The following KIF21B variants were observed in gnomAD, a reference collection of about 807,000 sequenced individuals.
KIF21B encodes the protein kinesin family member 21B.
In KIF21B, 85 loss-of-function variants were observed where a neutral mutation model predicts 192.9. The ratio of observed to expected loss-of-function variants is 0.44; its 90% CI spans 0.37 to 0.53. The LOEUF (loss-of-function observed/expected upper bound fraction) is 0.53, where lower values mean the gene tolerates loss of function less well. Ranked by LOEUF, KIF21B falls within the 20% of genes least tolerant of loss-of-function variation. The pLI is 0.00. For synonymous variants in KIF21B, 832 were observed against 884.6 expected (o/e 0.94, Z 1.05); for missense variants, 1,716 against 2,194.8 (o/e 0.78, Z 4.36).
rs572746581 is a variant in KIF21B at position 200,990,697 on chromosome 1, C to A, written c.2714G>T (p.Ser905Ile). Residue 905 changes from serine (S) to isoleucine (I), a missense_variant, in exon 19 of 35, where the codon AGC becomes ATC. Physicochemically the swap from Ser to Ile is moderately radical, Grantham distance 142. Transcript: ENST00000461742. This position sits in a 1 kb window ranked among gnomAD's most constrained non-coding sequence, Gnocchi z 5.4. The part of the protein sequence containing the change: ...ARKKFQKKGA[S>I]QSFSKAARLK... Reference sequence around the variant, plus strand: ...CCTTGCCGCCTTACTGAAGCTCTGGCTGGCCCCCTTCTTCTGGAACTTCTT... The same window carrying A: ...CCTTGCCGCCTTACTGAAGCTCTGGATGGCCCCCTTCTTCTGGAACTTCTT... The A allele has an allele frequency of 3.4e-4, 554 of 1,614,186 alleles. 5 individuals are homozygous for A. The South Asian group carries it at 5.9e-3, about 17-fold the overall frequency.
chr1:201,008,916 G>A lies in KIF21B; in HGVS notation c.300C>T (p.Gly100=). The A allele has an allele frequency of 6.2e-7, 1 of 1,611,746 alleles. No homozygotes were observed. Among genetic ancestry groups the A allele is most frequent in the Non-Finnish European group, 8.5e-7 (1 of 1,179,986 alleles). Residue 100 remains glycine (G), a synonymous_variant, in exon 3 of 35, where the codon GGC becomes GGT. Coordinates refer to ENST00000461742, the MANE Select transcript of KIF21B (RefSeq NM_001252102.2). ...GAGKTYTMGT[G]FDMATSEEEQ... is the part of the protein sequence containing the mutation. ...CCTCCTCCGACGTTGCCATGTCAAA[G>A]CCAGTGCCCATGGTGTACGTCTTCC... is the stretch of plus-strand genomic sequence containing the variant.
rs747424775 is a variant in KIF21B at position 201,006,516 on chromosome 1, C to T, written c.448-822G>A. On this transcript the variant is annotated intron_variant, in intron 3 of 34. Coordinates refer to ENST00000461742, the MANE Select transcript of KIF21B (RefSeq NM_001252102.2). Reference sequence around the variant, plus strand: ...TCTGACATCTGGGGCTTTGACAGCCCTAAAGGGACAGAAATACCCCACATG... The same window carrying T: ...TCTGACATCTGGGGCTTTGACAGCCTTAAAGGGACAGAAATACCCCACATG... 2.0e-5 allele frequency among the ~76,000 whole-genome samples: 3 copies of T among 152,032 alleles called. No homozygotes were observed. The South Asian group carries it at 6.2e-4, about 32-fold the overall frequency.
At position 201,009,422 on chromosome 1, in the gene KIF21B, T is replaced by TC; in HGVS notation, c.107dup (p.Glu37ArgfsTer15). On this transcript the variant is annotated frameshift_variant, in exon 2 of 35. Transcript: ENST00000461742. LOFTEE classifies it high-confidence loss of function. Reference sequence around the variant, plus strand: ...CCTTCCCCAGCAGGACCTGGGGCTCTCCCGGGGTAACAGAGGTACAGATGT... The same window carrying TC: ...CCTTCCCCAGCAGGACCTGGGGCTCTCCCCGGGGTAACAGAGGTACAGATGT... 1 of 1,614,250 alleles carries TC rather than the reference T, an allele frequency of 6.2e-7. No individual in the cohort carries two copies. The highest frequency in any genetic ancestry group is 1.3e-5 in the African/African-American group (1 of 75,066).
In KIF21B at chr1:201,000,830, C is replaced by A. The variant is rs775200427; in HGVS notation, c.1403-50G>T. ...GGTGCGATAAAGAAGATAAATAGGC[C>A]AGCGCGGTGGCTCAGACCTATAATT... On this transcript the variant is annotated intron_variant, in intron 9 of 34. Coordinates refer to ENST00000461742, the MANE Select transcript of KIF21B (RefSeq NM_001252102.2). This position sits in a 1 kb window ranked among gnomAD's most constrained non-coding sequence, Gnocchi z 6.0. The A allele has an allele frequency of 6.3e-7, 1 of 1,596,178 alleles. No homozygotes were observed. The highest frequency in any genetic ancestry group is 8.6e-7 in the Non-Finnish European group (1 of 1,164,210).
chr1:200,979,427 C>T lies in KIF21B; in HGVS notation c.4160+108G>A, dbSNP rs1004256390. ...ATAGGCTGGTAATGGTCTCTGTGCC[C>T]ATGTAGCCGGGCTGTGCTGTGCTGA... is the stretch of plus-strand genomic sequence containing the variant. On this transcript the variant is annotated intron_variant, in intron 30 of 34. Transcript: ENST00000461742. The T allele has an allele frequency of 1.3e-4, 96 of 762,272 alleles. No individual in the cohort carries two copies. The African/African-American group carries it at 1.3e-3, about 11-fold the overall frequency. 47.2% of individuals were successfully genotyped at this position (762,272 alleles called of 1,614,324 possible).
chr1:200,984,437 T>C (rs147501374), intron 27 of KIF21B, among the ~76,000 whole-genome samples: 49 of 152,232 alleles, frequency 3.2e-4, no homozygotes, highest in Middle Eastern at 6.8e-3. Context: ...GGAAGGCAAT[T>C]TGGGGGTCTG....
At chr1:201,008,982 C>A in intron 2 of KIF21B, 31 bp from the exon 3 acceptor site, 1 of 1,581,810 alleles carries the variant, frequency 6.3e-7, no homozygotes, top group Non-Finnish European at 8.6e-7. Flanking sequence ...GGGTGTAACC[C>A]TGCACCCTTT....
At chr1:201,005,003 G>T in intron 5 of KIF21B, 70 bp from the exon 6 acceptor site, 1 of 1,523,108 alleles carries the variant, frequency 6.6e-7, no homozygotes, top group Non-Finnish European at 8.9e-7. Flanking sequence ...TCACAGTACT[G>T]CCATCCGGGA....
Position 200,990,481 on chromosome 1 carries a change from T to C in KIF21B, c.2835+95A>G. The C allele has an allele frequency of 6.6e-7, 1 of 1,509,232 alleles. No individual in the cohort carries two copies. Among genetic ancestry groups the C allele is most frequent in the South Asian group, 1.2e-5 (1 of 81,748 alleles). The allele number at this position is 1,509,232 out of a possible 1,614,324, so 93.5% of individuals were successfully genotyped here. On this transcript the variant is annotated intron_variant, in intron 19 of 34. Coordinates refer to ENST00000461742, the MANE Select transcript of KIF21B (RefSeq NM_001252102.2). This position sits in a 1 kb window ranked among gnomAD's most constrained non-coding sequence, Gnocchi z 5.4. ...AGCAGGCAAAAGGAGCAGAGGGAAG[T>C]GGGGCAGGGAAAGGTCTGAAGAGCC... is the stretch of plus-strand genomic sequence containing the variant.
chr1:200,973,354 G>T lies in KIF21B; in HGVS notation c.*167C>A, dbSNP rs369347210. The T allele has an allele frequency of 2.1e-5, 16 of 764,418 alleles. 1 individual carries two copies. The African/African-American group carries it at 2.6e-4, about 12-fold the overall frequency. The allele number at this position is 764,418 out of a possible 1,614,324, so 47.4% of individuals were successfully genotyped here. A position where few individuals can be genotyped will look rare whatever the true frequency, so the allele number is the denominator to read the frequency against. ...TCCTGAGAGGCAGGGGAGGGATGAG[G>T]GAACAGTGTCCTGTGGGAAGGCCAA... On this transcript the variant is annotated 3_prime_UTR_variant, in exon 35 of 35. Coordinates refer to ENST00000461742, the MANE Select transcript of KIF21B (RefSeq NM_001252102.2).
intron 16 of KIF21B, 38 bp from the exon 17 acceptor site, chr1:200,991,763 G>A (rs1228303359): frequency 1.2e-6 from 2 of 1,604,280 alleles, no homozygotes; most frequent in Admixed American, 1.7e-5. Flanking sequence ...CCACACTCAG[G>A]CACCTTAGCC....
intron 30 of KIF21B, among the ~76,000 whole-genome samples, chr1:200,978,643 T>C (rs1163105963): frequency 6.6e-6 from 1 of 152,208 alleles, no homozygotes. Context: ...TACAGCATCA[T>C]ACAGAATAAT....
At chr1:200,987,230 C>G (rs773175079) in intron 24 of KIF21B, 29 bp from the exon 25 acceptor site, 1 of 1,585,546 alleles carries the variant, frequency 6.3e-7, no homozygotes, top group South Asian at 1.1e-5. Flanking sequence ...GGTGGATCAA[C>G]TTGCCCAAAT....
chr1:201,008,657 G>T, intron 3 of KIF21B, 112 bp downstream of exon 3: 1 of 1,005,522 alleles, frequency 9.9e-7, no homozygotes, highest in Non-Finnish European at 1.5e-6. Context: ...ATCACCTGGA[G>T]ATGCCCCCAT....
At chr1:200,992,473 G>T in intron 15 of KIF21B, 84 bp from the exon 16 acceptor site, 2 of 1,392,004 alleles carry the variant, frequency 1.4e-6, no homozygotes, top group Non-Finnish European at 2.0e-6. Context: ...AGCTCTGAGG[G>T]CATGGGGCAG....
intron 1 of KIF21B, among the ~76,000 whole-genome samples, chr1:201,021,757 C>T (rs1028324787): frequency 6.6e-6 from 1 of 152,122 alleles, no homozygotes; most frequent in African/African-American, 2.4e-5. Flanking sequence ...GTGGAAAGGG[C>T]ACCCCCAAGC....
rs767140551 is a variant in KIF21B at position 200,999,370 on chromosome 1, C to G, written c.1864G>C (p.Asp622His). The change falls in exon 13 of 35, where the codon GAC becomes CAC. Residue 622 changes from aspartate (D) to histidine (H), a missense_variant. Physicochemically the swap from Asp to His is moderately conservative, Grantham distance 81 (BLOSUM62 -1). Around this residue, in one of 3 missense-constraint regions of KIF21B, gnomAD observed 1,087 missense variants for 1,316.6 expected, o/e 0.83. Transcript: ENST00000461742. This position sits in a 1 kb window ranked among gnomAD's most constrained non-coding sequence, Gnocchi z 4.7. Reference protein sequence around the residue: ...SGSEESLVDSDSDPEEKEVNF... With the variant: ...SGSEESLVDSHSDPEEKEVNF... ...GCACCCTTCTCCTCGGGGTCTGAGT[C>G]TGAGTCCACCAGGCTCTCTTCACTG... 6.2e-6 allele frequency: 10 copies of G among 1,614,048 alleles called. No homozygotes were observed. The South Asian group carries it at 1.1e-4, about 18-fold the overall frequency.
chr1:201,004,942 G>GA lies in KIF21B; in HGVS notation c.733-10dup. 6.2e-7 allele frequency: 1 copy of GA among 1,602,694 alleles called. No homozygotes were observed. Among genetic ancestry groups the GA allele is most frequent in the African/African-American group, 1.3e-5 (1 of 74,932 alleles). On this transcript the variant is annotated splice_polypyrimidine_tract_variant and intron_variant, in intron 5 of 34. Coordinates refer to ENST00000461742, the MANE Select transcript of KIF21B (RefSeq NM_001252102.2). ...GTCACCGCCTCATTCACCTGCAGCA[G>GA]AAGTCAGCTCTGACTCACCCAGCCC...
chr1:200,982,520 C>T lies in KIF21B; in HGVS notation c.3842+536G>A, dbSNP rs757318564. On this transcript the variant is annotated intron_variant, in intron 28 of 34. Coordinates refer to ENST00000461742, the MANE Select transcript of KIF21B (RefSeq NM_001252102.2). This position sits in a 1 kb window ranked among gnomAD's most constrained non-coding sequence, Gnocchi z 4.7. ...ACAGGCTGCGGGAAGGGGAGGTACC[C>T]ACACATCTGTGTGCTAACAGGTGTG... is the stretch of plus-strand genomic sequence containing the variant. 9.2e-5 allele frequency among the ~76,000 whole-genome samples: 14 copies of T among 152,298 alleles called. No individual in the cohort carries two copies. Among genetic ancestry groups the T allele is most frequent in the Non-Finnish European group, 1.8e-4 (12 of 68,006 alleles).
Sources: allele counts gnomAD v4.1 joint callset (sites outside exome capture counted in the v4.1 genomes callset), GRCh38; gene constraint gnomAD v4.1.1; regional missense constraint gnomAD v4.1.1; non-coding constraint Gnocchi (gnomAD v3.1); transcripts MANE v1.5; gene names NCBI Gene and HGNC (gene_info 2026-07-23, HGNC 2026-07-21).